TTC9: variants seen among roughly 807,000 people sequenced by gnomAD.
TTC9 encodes the protein tetratricopeptide repeat protein 9A.
Under a neutral mutation model 22.9 loss-of-function variants are expected in TTC9, and 13 were observed. The observed-to-expected ratio is 0.57, with a 90% CI of 0.37 to 0.90. The LOEUF (loss-of-function observed/expected upper bound fraction) is 0.90. Among genes scored for constraint, TTC9 ranks in the 40% least tolerant of loss-of-function variants. The pLI, the probability that TTC9 is intolerant of heterozygous loss-of-function variation, is 0.01. For synonymous variants in TTC9, 148 were observed against 133.2 expected (o/e 1.11, Z -0.77); for missense variants, 280 against 291.8 (o/e 0.96, Z 0.29).
chr14:70,642,323 C>T lies in TTC9; in HGVS notation c.194C>T (p.Ala65Val), dbSNP rs747814867. The T allele has an allele frequency of 1.3e-6, 2 of 1,581,990 alleles. No individual in the cohort carries two copies. Among genetic ancestry groups the T allele is most frequent in the South Asian group, 2.3e-5 (2 of 86,950 alleles). The change falls in exon 1 of 3, where the codon GCG (alanine) becomes GTG (valine). Residue 65 changes from alanine to valine, a missense_variant. By Grantham distance (64) the Ala-to-Val change is moderately conservative. Transcript: ENST00000256367. ...GCGCACGAGTTCAAAAGCCAAGGGG[C>T]GCAGTGCTACAAGGACAAGAAATTC... ...RRAHEFKSQG[A>V]QCYKDKKFRE...
chr14:70,658,652 T>C (rs555913876), intron 1 of TTC9, among the ~76,000 whole-genome samples: 10 of 152,168 alleles, frequency 6.6e-5, no homozygotes, highest in African/African-American at 2.4e-4. Context: ...AAAAAAAAAC[T>C]GAAGCCAACA....
rs572950527 is a variant in TTC9 at position 70,663,554 on chromosome 14, A to C, written c.407-4010A>C. Among the ~76,000 whole-genome samples, 3 of 152,350 alleles carry C rather than the reference A, an allele frequency of 2.0e-5. No homozygotes were observed. The South Asian group carries it at 6.2e-4, about 32-fold the overall frequency. ...CCCAGCTATAATGCTACTTCTTCCAAGAAGGCCTCCCATTATACTTTAGAT... is the reference window on the plus strand; with the variant it reads ...CCCAGCTATAATGCTACTTCTTCCACGAAGGCCTCCCATTATACTTTAGAT... On this transcript the variant is annotated intron_variant, in intron 1 of 2. Coordinates refer to ENST00000256367, the MANE Select transcript of TTC9 (RefSeq NM_015351.2).
rs542207741 is a variant in TTC9 at position 70,660,111 on chromosome 14, T to TACA, written c.407-7453_407-7452insACA. On this transcript the variant is annotated intron_variant, in intron 1 of 2. Transcript: ENST00000256367. ...TGGTGCAGGGCCATATTCTCTTGAGTGCATCATGCAGCACCTCATCCTTCT... is the reference window on the plus strand; with the variant it reads ...TGGTGCAGGGCCATATTCTCTTGAGTACAGCATCATGCAGCACCTCATCCTTCT... Among the ~76,000 whole-genome samples, 35 of 152,320 alleles carry TACA rather than the reference T, an allele frequency of 2.3e-4. No homozygotes were observed. In the South Asian group the frequency reaches 4.6e-3, roughly 20 times the overall value.
In TTC9 at chr14:70,672,354, C is replaced by A. The variant is rs1196546959; in HGVS notation, c.*1199C>A. 1 of 152,238 alleles carries A rather than the reference C, an allele frequency of 6.6e-6. No homozygotes were observed. Among genetic ancestry groups the A allele is most frequent in the East Asian group, 1.9e-4 (1 of 5,198 alleles). 9.4% of individuals were successfully genotyped at this position (152,238 alleles called of 1,614,324 possible). ...TTATGACTGCAGACTGGCTCTCCTG[C>A]CTTAAACTAATTTCATCCCAGCCTA... On this transcript the variant is annotated 3_prime_UTR_variant, in exon 3 of 3. Transcript: ENST00000256367.
chr14:70,662,783 C>T (rs549282104), intron 1 of TTC9, among the ~76,000 whole-genome samples: 5 of 152,310 alleles, frequency 3.3e-5, no homozygotes, highest in Admixed American at 2.0e-4. Context: ...TTTAAAATAC[C>T]GATGCATGCC....
At chr14:70,645,149 G>A (rs889663003) in intron 1 of TTC9, among the ~76,000 whole-genome samples, 15 of 152,196 alleles carry the variant, frequency 9.9e-5, no homozygotes, top group African/African-American at 3.4e-4. Flanking sequence ...GTCACTCTGG[G>A]GAGAAGTGGA....
chr14:70,645,493 A>T (rs1240936212), intron 1 of TTC9, among the ~76,000 whole-genome samples: 2 of 152,234 alleles, frequency 1.3e-5, no homozygotes, highest in Non-Finnish European at 2.9e-5. Context: ...TTCACATTTC[A>T]TGAAAATATT....
chr14:70,642,984 A>G (rs138569481), intron 1 of TTC9, among the ~76,000 whole-genome samples: 148 of 152,322 alleles, frequency 9.7e-4, no homozygotes, highest in African/African-American at 3.4e-3. Context: ...CTTTTCCCCA[A>G]CTAACCGCAT....
chr14:70,667,440 C>G, intron 1 of TTC9, 124 bp from the exon 2 acceptor site: 1 of 982,268 alleles, frequency 1.0e-6, no homozygotes, highest in South Asian at 1.6e-5. Context: ...AAGACAAATC[C>G]CAAGATGTAA....
chr14:70,659,462 T>C (rs149011386), intron 1 of TTC9, among the ~76,000 whole-genome samples: 199 of 152,282 alleles, frequency 1.3e-3, no homozygotes, highest in African/African-American at 4.4e-3. Context: ...TCAGCCCTGT[T>C]AGGATAACAG....
chr14:70,668,253 A>T (rs577820854), intron 2 of TTC9, among the ~76,000 whole-genome samples: 42 of 152,342 alleles, frequency 2.8e-4, no homozygotes, highest in African/African-American at 9.6e-4. Flanking sequence ...ATTCACTTAG[A>T]TCATATCCAC....
chr14:70,644,848 C>T (rs1231819997), intron 1 of TTC9, among the ~76,000 whole-genome samples: 1 of 151,986 alleles, frequency 6.6e-6, no homozygotes, highest in East Asian at 1.9e-4. Context: ...TGCGGTGGCT[C>T]ACTTCTGTAA....
intron 1 of TTC9, among the ~76,000 whole-genome samples, chr14:70,666,861 G>A (rs1183207284): frequency 1.3e-5 from 2 of 152,220 alleles, no homozygotes; most frequent in Non-Finnish European, 2.9e-5. Context: ...TGGTGATGAT[G>A]ATGATGAAGA....
chr14:70,672,400 G>A lies in TTC9; in HGVS notation c.*1245G>A, dbSNP rs1045044205. ...GCCTAGTCTCCTGATGTCTGTGCTC[G>A]TTATGCTATGCCATGTTGCTTCAGT... On this transcript the variant is annotated 3_prime_UTR_variant, in exon 3 of 3. Coordinates refer to ENST00000256367, the MANE Select transcript of TTC9 (RefSeq NM_015351.2). The A allele has an allele frequency of 2.6e-5, 4 of 152,174 alleles. No individual in the cohort carries two copies. The highest frequency in any genetic ancestry group is 2.1e-4 in the South Asian group (1 of 4,818). 9.4% of individuals were successfully genotyped at this position (152,174 alleles called of 1,614,324 possible).
In TTC9 at chr14:70,642,378, G is replaced by T; in HGVS notation, c.249G>T (p.Ala83=). 6.2e-7 allele frequency: 1 copy of T among 1,605,406 alleles called. No individual in the cohort carries two copies. The change falls in exon 1 of 3, where the codon GCG becomes GCT. Residue 83 remains alanine (A), a synonymous_variant. Coordinates refer to ENST00000256367, the MANE Select transcript of TTC9 (RefSeq NM_015351.2). ...AAGCCATAGGCAAATACCACCGGGC[G>T]TTGCTGGAGCTGAAGGGGCTGCTGC... ...FREAIGKYHR[A]LLELKGLLPP...
intron 1 of TTC9, among the ~76,000 whole-genome samples, chr14:70,654,920 C>G (rs1886040155): frequency 6.6e-6 from 1 of 152,150 alleles, no homozygotes; most frequent in Non-Finnish European, 1.5e-5. Context: ...ACTTGGTTGC[C>G]TTTGATTGGC....
chr14:70,665,212 C>T (rs902126187), intron 1 of TTC9, among the ~76,000 whole-genome samples: 8 of 152,196 alleles, frequency 5.3e-5, no homozygotes, highest in East Asian at 1.9e-4. Flanking sequence ...CTGCTAGGCC[C>T]GGTCAGAGAG....
intron 2 of TTC9, 60 bp from the exon 3 acceptor site, chr14:70,671,016 T>C (rs1424935239): frequency 6.5e-7 from 1 of 1,527,192 alleles, no homozygotes; most frequent in Non-Finnish European, 9.1e-7. Context: ...TGCTAATTCC[T>C]TGTAAATGTG....
Position 70,642,320 on chromosome 14 carries a change from G to A in TTC9, c.191G>A (p.Gly64Glu), listed in dbSNP as rs1885827901. The A allele has an allele frequency of 6.3e-7, 1 of 1,579,070 alleles. No individual in the cohort carries two copies. The change falls in exon 1 of 3, where the codon GGG becomes GAG. Residue 64 changes from glycine to glutamate, a missense_variant. Physicochemically the swap from Gly to Glu is moderately conservative, Grantham distance 98. Coordinates refer to ENST00000256367, the MANE Select transcript of TTC9 (RefSeq NM_015351.2). Reference protein sequence around the residue: ...IRRAHEFKSQGAQCYKDKKFR... With the variant: ...IRRAHEFKSQEAQCYKDKKFR... ...CGAGCGCACGAGTTCAAAAGCCAAG[G>A]GGCGCAGTGCTACAAGGACAAGAAA...
Sources: gnomAD v4.1 joint callset for allele counts (sites outside exome capture counted in the v4.1 genomes callset) on GRCh38, gnomAD v4.1.1 for gene constraint, MANE v1.5 for transcripts, NCBI Gene and HGNC (gene_info 2026-07-23, HGNC 2026-07-21) for gene names.